Variants in RAD54L2 observed in about 807,000 individuals in gnomAD.
RAD54L2 encodes the protein RAD54 like 2.
Under a neutral mutation model 138.4 loss-of-function variants are expected in RAD54L2, and 27 were observed. The observed-to-expected ratio is 0.20, with a 90% CI of 0.14 to 0.27. The LOEUF (loss-of-function observed/expected upper bound fraction) is 0.27. Among genes scored for constraint, RAD54L2 ranks in the 10% least tolerant of loss-of-function variants. RAD54L2 has a pLI of 1.00. For missense variants in RAD54L2, 1,396 were observed against 1,890.2 expected (o/e 0.74, Z 4.85); for synonymous variants, 644 against 723.2 (o/e 0.89, Z 1.76).
chr3:51,556,941 G>T (rs1698983388), intron 2 of RAD54L2, among the ~76,000 whole-genome samples: 1 of 152,018 alleles, frequency 6.6e-6, no homozygotes, highest in African/African-American at 2.4e-5. Context: ...ATATCTCTGA[G>T]GTGAGTTCCT....
chr3:51,594,279 G>A (rs1275624091), intron 3 of RAD54L2, among the ~76,000 whole-genome samples: 1 of 151,860 alleles, frequency 6.6e-6, no homozygotes, highest in African/African-American at 2.4e-5. Flanking sequence ...CACCATGTTG[G>A]CCAGGCTGGT....
intron 2 of RAD54L2, among the ~76,000 whole-genome samples, chr3:51,587,249 C>T (rs1210716711): frequency 5.3e-5 from 8 of 151,926 alleles, no homozygotes; most frequent in South Asian, 2.1e-4. Flanking sequence ...TACAGGCGCC[C>T]GCCACCACGC....
intron 3 of RAD54L2, among the ~76,000 whole-genome samples, chr3:51,594,384 G>T (rs930553370): frequency 6.6e-6 from 1 of 152,070 alleles, no homozygotes; most frequent in Non-Finnish European, 1.5e-5. Context: ...ATACTTAATT[G>T]TCTGGATAAT....
chr3:51,630,406 G>A lies in RAD54L2; in HGVS notation c.598+18G>A. 3 of 1,598,608 alleles carry A rather than the reference G, an allele frequency of 1.9e-6. No individual in the cohort carries two copies. Among genetic ancestry groups the A allele is most frequent in the Non-Finnish European group, 2.6e-6 (3 of 1,166,398 alleles). On this transcript the variant is annotated intron_variant, in intron 6 of 22. Transcript: ENST00000684192. ...TCGAGATGGTAAGATCAAACCAGGT[G>A]CCTCCCTTTCTTCCGACCTGGTGTT...
At chr3:51,546,655 A>AAAAACAC (rs1221579155) in intron 2 of RAD54L2, among the ~76,000 whole-genome samples, 4 of 152,148 alleles carry the variant, frequency 2.6e-5, no homozygotes, top group Non-Finnish European at 5.9e-5. Flanking sequence ...ACAAAAAACA[A>AAAAACAC]AAAACACTGA....
At chr3:51,560,851 T>C (rs1699081228) in intron 2 of RAD54L2, among the ~76,000 whole-genome samples, 1 of 152,208 alleles carries the variant, frequency 6.6e-6, no homozygotes. Flanking sequence ...TTGATCCTCT[T>C]AAGAAAATTT....
intron 3 of RAD54L2, among the ~76,000 whole-genome samples, chr3:51,611,744 C>T (rs552761514): frequency 2.0e-5 from 3 of 151,870 alleles, no homozygotes; most frequent in East Asian, 1.9e-4. Flanking sequence ...TTTTTACTAA[C>T]GACGAGTTTG....
At position 51,609,698 on chromosome 3, in the gene RAD54L2, T is replaced by TTGTGTG. The variant is rs5848928; in HGVS notation, c.140-17818_140-17813dup. ...TCAACTACTGAATCCTTGTGGGCAT[T>TTGTGTG]TGTGTGTGTGTGTGTGTGTGTGTGT... is the stretch of plus-strand genomic sequence containing the variant. On this transcript the variant is annotated intron_variant, in intron 3 of 22. Coordinates refer to ENST00000684192, the MANE Select transcript of RAD54L2 (RefSeq NM_015106.4). 3.0e-3 allele frequency among the ~76,000 whole-genome samples: 420 copies of TTGTGTG among 141,168 alleles called. 2 individuals carry two copies. Among genetic ancestry groups the TTGTGTG allele is most frequent in the African/African-American group, 6.3e-3 (239 of 38,172 alleles). The allele number at this position is 141,168 out of a possible 152,430, so 92.6% of individuals were successfully genotyped here.
chr3:51,633,464 T>C, intron 7 of RAD54L2, 113 bp from the exon 8 acceptor site: 1 of 1,017,844 alleles, frequency 9.8e-7, no homozygotes, highest in Non-Finnish European at 1.5e-6. Flanking sequence ...CCACACCTGC[T>C]ATCTATTATA....
In RAD54L2 at chr3:51,575,317, T is replaced by A. The variant is rs1699453718; in HGVS notation, c.-54-15050T>A. 3.9e-5 allele frequency among the ~76,000 whole-genome samples: 6 copies of A among 152,320 alleles called. No homozygotes were observed. In the South Asian group the frequency reaches 1.2e-3, roughly 32 times the overall value. On this transcript the variant is annotated intron_variant, in intron 2 of 22. Transcript: ENST00000684192. ...GCTTTGTTCTTTTTGCTTAGGATTGTCTTGGCAATGCAGGCTCTTTTTTGG... is the reference window on the plus strand; with the variant it reads ...GCTTTGTTCTTTTTGCTTAGGATTGACTTGGCAATGCAGGCTCTTTTTTGG...
At chr3:51,547,419 A>G (rs1368858447) in intron 2 of RAD54L2, among the ~76,000 whole-genome samples, 3 of 152,044 alleles carry the variant, frequency 2.0e-5, no homozygotes, top group African/African-American at 4.8e-5. Flanking sequence ...TGAAAGCAAT[A>G]CAAACAGAAA....
At chr3:51,607,962 G>A (rs1487396534) in intron 3 of RAD54L2, among the ~76,000 whole-genome samples, 1 of 149,708 alleles carries the variant, frequency 6.7e-6, no homozygotes, top group Non-Finnish European at 1.5e-5. Flanking sequence ...GTGGCTGGCC[G>A]GGTGGGGGCT....
At chr3:51,540,035 T>G (rs1698511029) in intron 1 of RAD54L2, among the ~76,000 whole-genome samples, 1 of 152,254 alleles carries the variant, frequency 6.6e-6, no homozygotes, top group Non-Finnish European at 1.5e-5. Flanking sequence ...CCGTTGTTTT[T>G]GAATTGTGAC....
At chr3:51,623,980 C>CAAAAAAAAAAAA (rs35064930) in intron 3 of RAD54L2, among the ~76,000 whole-genome samples, 1 of 74,044 alleles carries the variant, frequency 1.4e-5, no homozygotes, top group African/African-American at 5.3e-5. Flanking sequence ...CTCCGTCTCA[C>CAAAAAAAAAAAA]AAAAAAAAAA....
intron 3 of RAD54L2, among the ~76,000 whole-genome samples, chr3:51,623,013 A>G (rs1281321066): frequency 6.6e-6 from 1 of 152,204 alleles, no homozygotes; most frequent in Non-Finnish European, 1.5e-5. Flanking sequence ...CACTTTCCAT[A>G]TAGCATATGT....
chr3:51,569,225 C>G (rs1396277958), intron 2 of RAD54L2, among the ~76,000 whole-genome samples: 1 of 152,148 alleles, frequency 6.6e-6, no homozygotes, highest in East Asian at 1.9e-4. Flanking sequence ...GAAAAAAATA[C>G]AGAAGTTATA....
rs150260836 is a variant in RAD54L2 at position 51,575,239 on chromosome 3, T to C, written c.-54-15128T>C. Among the ~76,000 whole-genome samples the C allele has an allele frequency of 6.1e-3, 929 of 152,350 alleles. 18 individuals are homozygous for C. The highest frequency in any genetic ancestry group is 0.021 in the African/African-American group (865 of 41,582). On this transcript the variant is annotated intron_variant, in intron 2 of 22. Coordinates refer to ENST00000684192, the MANE Select transcript of RAD54L2 (RefSeq NM_015106.4). Reference sequence around the variant, plus strand: ...TTTTGGTACGGGTACCATGCTGTTTTGGTTACTGTAGCCTTGTAGTATAGT... The same window carrying C: ...TTTTGGTACGGGTACCATGCTGTTTCGGTTACTGTAGCCTTGTAGTATAGT...
chr3:51,645,492 A>G lies in RAD54L2; in HGVS notation c.2657-99A>G. ...CCAGTGTCACCAGCACCTCAGACCT[A>G]GTCTTTGACTTTCAGATATGGGATG... On this transcript the variant is annotated intron_variant, in intron 17 of 22. Coordinates refer to ENST00000684192, the MANE Select transcript of RAD54L2 (RefSeq NM_015106.4). This position sits in a 1 kb window ranked among gnomAD's most constrained non-coding sequence, Gnocchi z 6.1. The G allele has an allele frequency of 2.4e-6, 3 of 1,250,228 alleles. No homozygotes were observed. The highest frequency in any genetic ancestry group is 1.6e-5 in the South Asian group (1 of 64,100). 77.4% of individuals were successfully genotyped at this position (1,250,228 alleles called of 1,614,324 possible). A position where few individuals can be genotyped will look rare whatever the true frequency, so the allele number is the denominator to read the frequency against.
chr3:51,555,557 G>A (rs1698941116), intron 2 of RAD54L2, among the ~76,000 whole-genome samples: 1 of 152,228 alleles, frequency 6.6e-6, no homozygotes, highest in Non-Finnish European at 1.5e-5. Flanking sequence ...CTTGGAGGCT[G>A]AGGTGGGAGA....
Sources: allele counts gnomAD v4.1 joint callset (sites outside exome capture counted in the v4.1 genomes callset), GRCh38; gene constraint gnomAD v4.1.1; non-coding constraint Gnocchi (gnomAD v3.1); transcripts MANE v1.5; gene names NCBI Gene and HGNC (gene_info 2026-07-23, HGNC 2026-07-21).